The following PHACTR3 variants were observed in gnomAD, a reference collection of about 807,000 sequenced individuals.
PHACTR3 encodes the protein phosphatase and actin regulator 3.
A neutral mutation model predicts 66.8 loss-of-function variants in PHACTR3; 16 were observed. The ratio of observed to expected loss-of-function variants is 0.24; its 90% confidence interval spans 0.16 to 0.36. PHACTR3 has a LOEUF of 0.36. Ranked by LOEUF, PHACTR3 falls within the 10% of genes least tolerant of loss-of-function variation. PHACTR3 has a pLI of 1.00. For missense variants in PHACTR3, 647 were observed against 719.9 expected, an observed-to-expected ratio of 0.90 and a Z score of 1.16; for synonymous variants, 323 against 292.1, an observed-to-expected ratio of 1.11 and a Z score of -1.08.
chr20:59,633,768 T>A (rs550175331), intron 1 of PHACTR3, among the ~76,000 whole-genome samples: 5 of 152,288 alleles, frequency 3.3e-5, no homozygotes, highest in Admixed American at 2.6e-4. Context: ...TTAATTTTAA[T>A]AATGAGTCAC....
At chr20:59,846,165 A>G (rs550127470) in intron 12 of PHACTR3, among the ~76,000 whole-genome samples, 1 of 152,318 alleles carries the variant, frequency 6.6e-6, no homozygotes, top group Admixed American at 6.5e-5. Context: ...AATCCTGCAT[A>G]TAGATACTGC....
chr20:59,721,410 C>T (rs1197293363), intron 1 of PHACTR3: 1 of 152,330 alleles, frequency 6.6e-6, no homozygotes, highest in Non-Finnish European at 1.5e-5. Context: ...AGCAAGAAAC[C>T]TGATGAAACC....
intron 1 of PHACTR3, among the ~76,000 whole-genome samples, chr20:59,677,171 A>G (rs991411347): frequency 6.6e-5 from 10 of 152,294 alleles, no homozygotes; most frequent in East Asian, 3.9e-4. Context: ...ATAGATTGTC[A>G]TTGATGTGCG....
chr20:59,707,124 G>T (rs1329002476), intron 1 of PHACTR3, among the ~76,000 whole-genome samples: 1 of 152,256 alleles, frequency 6.6e-6, no homozygotes, highest in Non-Finnish European at 1.5e-5. Flanking sequence ...GCAGGTGGCT[G>T]CATTCAGTGA....
intron 1 of PHACTR3, among the ~76,000 whole-genome samples, chr20:59,674,300 A>G (rs1410290545): frequency 6.7e-6 from 1 of 149,720 alleles, no homozygotes; most frequent in Non-Finnish European, 1.5e-5. Flanking sequence ...TGCCCCAGGC[A>G]GTGCTGGGGC....
chr20:59,758,670 C>A (rs1176414571), intron 4 of PHACTR3, among the ~76,000 whole-genome samples: 1 of 152,274 alleles, frequency 6.6e-6, no homozygotes, highest in East Asian at 1.9e-4. Context: ...CCCCGGAGAT[C>A]TCACGCCCAT....
chr20:59,743,528 C>T (rs1305773381), intron 2 of PHACTR3, among the ~76,000 whole-genome samples: 2 of 152,206 alleles, frequency 1.3e-5, no homozygotes, highest in Non-Finnish European at 2.9e-5. Flanking sequence ...AAGGTGCCCA[C>T]AAGTCCACTG....
At chr20:59,631,212 G>C (rs1342934239) in intron 1 of PHACTR3, among the ~76,000 whole-genome samples, 1 of 152,238 alleles carries the variant, frequency 6.6e-6, no homozygotes, top group East Asian at 1.9e-4. Flanking sequence ...TCAAGGCAAG[G>C]TCCTTGGATA....
At chr20:59,584,322 G>C (rs1002875812) in intron 1 of PHACTR3, among the ~76,000 whole-genome samples, 2 of 151,484 alleles carry the variant, frequency 1.3e-5, no homozygotes, top group East Asian at 3.9e-4. Flanking sequence ...GTGTGTGAGG[G>C]TGTGAAGCTG....
At chr20:59,731,566 T>C (rs150202902) in intron 1 of PHACTR3, among the ~76,000 whole-genome samples, 73 of 152,318 alleles carry the variant, frequency 4.8e-4, no homozygotes, top group African/African-American at 1.4e-3. Flanking sequence ...AAACTGACCA[T>C]ATGTCTGGCA....
intron 7 of PHACTR3, among the ~76,000 whole-genome samples, chr20:59,787,914 C>A (rs961413121): frequency 6.6e-6 from 1 of 152,182 alleles, no homozygotes; most frequent in African/African-American, 2.4e-5. Context: ...AGTGAACATG[C>A]AACACCAGCT....
rs2042283793 is a variant in PHACTR3 at position 59,829,432 on chromosome 20, C to T, written c.1329-7073C>T. Among the ~76,000 whole-genome samples, 1 of 152,240 alleles carries T rather than the reference C, an allele frequency of 6.6e-6. No individual in the cohort carries two copies. Among genetic ancestry groups the T allele is most frequent in the Non-Finnish European group, 1.5e-5 (1 of 68,050 alleles). ...AGTCCTCTTCTCTTCCTGAACTTCT[C>T]TCCAGACACACCCACATTGCTCTGA... On this transcript the variant is annotated intron_variant, in intron 8 of 12. Coordinates refer to ENST00000371015, the MANE Select transcript of PHACTR3 (RefSeq NM_080672.5). The surrounding 1 kb of genome is among the most constrained non-coding windows in gnomAD (Gnocchi z 4.2).
intron 1 of PHACTR3, among the ~76,000 whole-genome samples, chr20:59,719,629 C>T (rs2038219073): frequency 6.6e-6 from 1 of 152,170 alleles, no homozygotes; most frequent in Non-Finnish European, 1.5e-5. Flanking sequence ...CATGCAACCC[C>T]TAGCTTACTT....
intron 7 of PHACTR3, among the ~76,000 whole-genome samples, chr20:59,788,034 A>C (rs6128695): frequency 0.14 from 20,730 of 152,040 alleles, 3,767 homozygotes; most frequent in African/African-American, 0.41. Flanking sequence ...TATTTGTGAG[A>C]TCCTTGTGCA....
chr20:59,771,376 C>T (rs2040354810), intron 5 of PHACTR3, among the ~76,000 whole-genome samples: 1 of 152,130 alleles, frequency 6.6e-6, no homozygotes, highest in Non-Finnish European at 1.5e-5. Context: ...GAGGACAGCG[C>T]AGTGTGCAGA....
At chr20:59,720,430 G>T (rs900764793) in intron 1 of PHACTR3, among the ~76,000 whole-genome samples, 5 of 152,180 alleles carry the variant, frequency 3.3e-5, no homozygotes, top group Admixed American at 2.6e-4. Context: ...TACTGGGGGG[G>T]CACTTGCTGG....
intron 5 of PHACTR3, among the ~76,000 whole-genome samples, chr20:59,770,181 T>A (rs759499554): frequency 2.0e-5 from 3 of 152,204 alleles, no homozygotes; most frequent in Non-Finnish European, 4.4e-5. Context: ...GCTTCCGCCC[T>A]GCCCTCAGTT....
At position 59,743,208 on chromosome 20, in the gene PHACTR3, A is replaced by C. The variant is rs771290073; in HGVS notation, c.220A>C (p.Ile74Leu). 1 of 1,614,146 alleles carries C rather than the reference A, an allele frequency of 6.2e-7. No individual in the cohort carries two copies. The highest frequency in any genetic ancestry group is 8.5e-7 in the Non-Finnish European group (1 of 1,179,990). The stretch of plus-strand genomic sequence containing the variant: ...CAGCAAACTGGCCACCCTGGGCAGG[A>C]TCTTCAAACCCTGGAAATGGAGGAA... ...RNSKLATLGR[I>L]FKPWKWRKKK... Residue 74 changes from isoleucine to leucine, a missense_variant, in exon 2 of 13, where the codon ATC becomes CTC. Ile to Leu is a conservative substitution (Grantham distance 5, BLOSUM62 2). Coordinates refer to ENST00000371015, the MANE Select transcript of PHACTR3 (RefSeq NM_080672.5).
At chr20:59,776,029 G>A (rs1474738091) in intron 7 of PHACTR3, among the ~76,000 whole-genome samples, 1 of 152,216 alleles carries the variant, frequency 6.6e-6, no homozygotes, top group Non-Finnish European at 1.5e-5. Context: ...ATCACCCCCA[G>A]CTGAGAATCA....
Sources: allele counts gnomAD v4.1 joint callset (sites outside exome capture counted in the v4.1 genomes callset), GRCh38; gene constraint gnomAD v4.1.1; non-coding constraint Gnocchi (gnomAD v3.1); transcripts MANE v1.5; gene names NCBI Gene and HGNC (gene_info 2026-07-23, HGNC 2026-07-21).